The following CCDC7 variants were observed in gnomAD, a reference collection of about 807,000 sequenced individuals.
CCDC7 encodes the protein coiled-coil domain containing 7.
In CCDC7, 183 loss-of-function variants were observed where a neutral mutation model predicts 196.9. The ratio of observed to expected loss-of-function variants is 0.93; its 90% CI spans 0.82 to 1.05. CCDC7 has a LOEUF of 1.05. CCDC7 is among the 50% of genes least tolerant of loss of function. CCDC7 has a pLI of 0.00. For synonymous variants in CCDC7, 525 were observed against 484.6 expected (o/e 1.08, Z -1.10); for missense variants, 1,540 against 1,482.2 (o/e 1.04, Z -0.64).
chr10:32,854,153 T>C (rs2093665672), intron 40 of CCDC7, among the ~76,000 whole-genome samples: 1 of 152,168 alleles, frequency 6.6e-6, no homozygotes, highest in South Asian at 2.1e-4. Context: ...GATCCTATGT[T>C]AATTTGCTTT....
At chr10:32,666,095 G>C (rs1245457267) in intron 21 of CCDC7, among the ~76,000 whole-genome samples, 1 of 147,296 alleles carries the variant, frequency 6.8e-6, no homozygotes, top group Non-Finnish European at 1.5e-5. Flanking sequence ...TAGTTTTTTG[G>C]TGGAGTCTTT....
At chr10:32,518,566 T>G (rs994992675) in intron 11 of CCDC7, 61 bp downstream of exon 12, 3 of 1,339,520 alleles carry the variant, frequency 2.2e-6, no homozygotes, top group African/African-American at 3.0e-5. Context: ...TATGTTAGGA[T>G]AGAAATCAAA....
At chr10:32,710,535 G>A (rs2080648694) in intron 24 of CCDC7, among the ~76,000 whole-genome samples, 1 of 152,172 alleles carries the variant, frequency 6.6e-6, no homozygotes, top group African/African-American at 2.4e-5. Flanking sequence ...GAGGACCACT[G>A]GTGTCCCTCA....
chr10:32,601,866 ACTCTGTAAAATGGACCAATCAGTG>A (rs928058827), intron 18 of CCDC7, among the ~76,000 whole-genome samples: 37 of 152,298 alleles, frequency 2.4e-4, no homozygotes, highest in African/African-American at 8.4e-4. Context: ...ACCAGTCAGC[ACTCTGTAAAATGGACCAATCAGTG>A]CTCTGTAAAA....
chr10:32,595,828 T>G (rs1206309639), intron 18 of CCDC7, among the ~76,000 whole-genome samples: 1 of 152,248 alleles, frequency 6.6e-6, no homozygotes, highest in Non-Finnish European at 1.5e-5. Flanking sequence ...AGCAGGTTGT[T>G]CAGTTTCCGT....
rs557830171 is a variant in CCDC7, at chr10:32,820,370, T to C, written c.3182-4148T>C. On this transcript the variant is annotated intron_variant, in intron 31 of 41. Transcript: ENST00000639629. ...CATGGGTAGGAAGAATCAATAGAAT[T>C]GTGAAAATGGCCATACTGCCCAAGG... is the stretch of plus-strand genomic sequence containing the variant. Among the ~76,000 whole-genome samples, 770 of 152,060 alleles carry C rather than the reference T, an allele frequency of 5.1e-3. 6 individuals are homozygous for C. Among genetic ancestry groups the C allele is most frequent in the Non-Finnish European group, 6.4e-3 (438 of 67,928 alleles).
chr10:32,701,066 G>T (rs1446970712), intron 24 of CCDC7, among the ~76,000 whole-genome samples: 9 of 152,080 alleles, frequency 5.9e-5, no homozygotes, highest in African/African-American at 1.9e-4. Flanking sequence ...CTGCCTGATT[G>T]CCCTGGTCAG....
chr10:32,847,890 T>C (rs775773534), exon 38 of CCDC7: 1 of 1,610,052 alleles, frequency 6.2e-7, no homozygotes, highest in African/African-American at 1.3e-5. Flanking sequence ...ATTGGTGAGA[T>C]AAAGACACAA....
intron 25 of CCDC7, among the ~76,000 whole-genome samples, chr10:32,720,989 G>A (rs937309648): frequency 1.7e-4 from 26 of 152,064 alleles, no homozygotes; most frequent in African/African-American, 5.6e-4. Flanking sequence ...GCTACTTGCG[G>A]GTGCTGAAAT....
At chr10:32,618,723 C>A (rs941830494) in intron 18 of CCDC7, among the ~76,000 whole-genome samples, 2 of 151,878 alleles carry the variant, frequency 1.3e-5, no homozygotes, top group Admixed American at 1.3e-4. Context: ...CTTTAAAATT[C>A]TTTCTTTCAC....
At chr10:32,837,611 AAG>A in intron 33 of CCDC7, among the ~76,000 whole-genome samples, 1 of 152,122 alleles carries the variant, frequency 6.6e-6, no homozygotes, top group Non-Finnish European at 1.5e-5. Flanking sequence ...AGCTGCTATA[AAG>A]ACACATGCAC....
At chr10:32,746,006 A>C (rs1389535809) in intron 28 of CCDC7, among the ~76,000 whole-genome samples, 1 of 152,128 alleles carries the variant, frequency 6.6e-6, no homozygotes, top group Non-Finnish European at 1.5e-5. Context: ...TTCAAATTCC[A>C]CTTGTTCATT....
chr10:32,644,880 A>C (rs1248486464), intron 20 of CCDC7, among the ~76,000 whole-genome samples: 2 of 152,198 alleles, frequency 1.3e-5, no homozygotes, highest in Non-Finnish European at 2.9e-5. Context: ...TGTCTTTATC[A>C]GCAACATGAA....
At chr10:32,869,645 T>A (rs2094348596) in intron 41 of CCDC7, among the ~76,000 whole-genome samples, 1 of 152,200 alleles carries the variant, frequency 6.6e-6, no homozygotes, top group Non-Finnish European at 1.5e-5. Flanking sequence ...TGCCCATGTC[T>A]ATGTCCTGAA....
intron 7 of CCDC7, among the ~76,000 whole-genome samples, chr10:32,472,844 C>T (rs2038226476): frequency 6.6e-6 from 1 of 152,018 alleles, no homozygotes; most frequent in African/African-American, 2.4e-5. Flanking sequence ...GATCCTCCCA[C>T]CTCGGGCTCC....
At chr10:32,656,161 T>A (rs1457545351) in intron 20 of CCDC7, among the ~76,000 whole-genome samples, 1 of 152,206 alleles carries the variant, frequency 6.6e-6, no homozygotes, top group Non-Finnish European at 1.5e-5. Flanking sequence ...GTAGTTTTAT[T>A]GTTTTATATT....
At chr10:32,566,407 A>G (rs7075940) in intron 14 of CCDC7, among the ~76,000 whole-genome samples, 20,340 of 152,192 alleles carry the variant, frequency 0.13, 1,610 homozygotes, top group African/African-American at 0.22. Context: ...GTACAATGTC[A>G]TATGTTTTAA....
intron 26 of CCDC7, among the ~76,000 whole-genome samples, chr10:32,728,271 T>TA (rs1565310343): frequency 3.3e-5 from 5 of 152,022 alleles, no homozygotes; most frequent in South Asian, 4.1e-4. Flanking sequence ...ACATTTTTTT[T>TA]AAAAAAATCC....
chr10:32,548,330 G>A (rs2052848579), intron 13 of CCDC7, among the ~76,000 whole-genome samples: 1 of 152,118 alleles, frequency 6.6e-6, no homozygotes, highest in Non-Finnish European at 1.5e-5. Context: ...TGGCAGGAAG[G>A]GCAGCTACAG....
Sources: allele counts gnomAD v4.1 joint callset (sites outside exome capture counted in the v4.1 genomes callset), GRCh38; gene constraint gnomAD v4.1.1; transcripts MANE v1.5; gene names NCBI Gene and HGNC (gene_info 2026-07-23, HGNC 2026-07-21).